MYO5A: variants seen among roughly 807,000 people sequenced by gnomAD.
The protein encoded by MYO5A is unconventional myosin-Va.
A neutral mutation model predicts 249.7 loss-of-function variants in MYO5A; 98 were observed. That is an observed-to-expected ratio of 0.39 (90% confidence interval 0.33 to 0.46). The LOEUF is 0.46. MYO5A is among the 20% of genes least tolerant of loss of function. MYO5A has a pLI of 0.98. For synonymous variants in MYO5A, 778 were observed against 810.6 expected, an observed-to-expected ratio of 0.96 and a Z score of 0.68; for missense variants, 1,696 against 2,308.8, an observed-to-expected ratio of 0.73 and a Z score of 5.44.
At chr15:52,344,265 T>C (rs901717913) in intron 30 of MYO5A, among the ~76,000 whole-genome samples, 2 of 152,162 alleles carry the variant, frequency 1.3e-5, no homozygotes, top group African/African-American at 4.8e-5. Flanking sequence ...TACACACATC[T>C]CTCCTGTCTA....
chr15:52,527,939 A>G (rs2077755619), intron 1 of MYO5A, among the ~76,000 whole-genome samples: 1 of 152,238 alleles, frequency 6.6e-6, no homozygotes, highest in African/African-American at 2.4e-5. Flanking sequence ...TGCCATGATT[A>G]CATATATTCA....
At chr15:52,344,585 A>T (rs2039529047) in intron 30 of MYO5A, among the ~76,000 whole-genome samples, 1 of 152,216 alleles carries the variant, frequency 6.6e-6, no homozygotes, top group Non-Finnish European at 1.5e-5. Flanking sequence ...CCAAGTCACC[A>T]TAATCACTGG....
At chr15:52,475,122 G>A (rs1377936528) in intron 1 of MYO5A, among the ~76,000 whole-genome samples, 1 of 152,150 alleles carries the variant, frequency 6.6e-6, no homozygotes, top group Non-Finnish European at 1.5e-5. Flanking sequence ...TTGGGAGGGT[G>A]TATGTGTCCA....
At position 52,407,394 on chromosome 15, in the gene MYO5A, C is replaced by T. The variant is rs930212364; in HGVS notation, c.844G>A (p.Ala282Thr). ...TGTTTTGTGTAATTAAAGTTATCTG[C>T]ATTTCCTGTAATGAAGAAAAATAAA... ...PEFKMLRLGN[A>T]DNFNYTKQGG... Residue 282 changes from alanine to threonine, a missense_variant, in exon 8 of 42, where the codon GCA becomes ACA. By Grantham distance (58) the Ala-to-Thr change is moderately conservative. Coordinates refer to ENST00000399233, the MANE Select transcript of MYO5A (RefSeq NM_001382347.1). The T allele has an allele frequency of 8.7e-6, 14 of 1,611,676 alleles. No homozygotes were observed. The highest frequency in any genetic ancestry group is 1.2e-5 in the Non-Finnish European group (14 of 1,177,948).
intron 18 of MYO5A, among the ~76,000 whole-genome samples, chr15:52,377,580 T>TA (rs927996774): frequency 6.6e-6 from 1 of 151,114 alleles, no homozygotes; most frequent in African/African-American, 2.4e-5. Flanking sequence ...AATTCTTTTT[T>TA]TTTTTTTTTG....
chr15:52,365,491 C>T (rs141771353), intron 23 of MYO5A, among the ~76,000 whole-genome samples: 2 of 152,282 alleles, frequency 1.3e-5, no homozygotes, highest in Non-Finnish European at 2.9e-5. Context: ...ATCAGCCAAC[C>T]AGTCACATTT....
At chr15:52,408,772 T>C (rs1038500372) in intron 6 of MYO5A, among the ~76,000 whole-genome samples, 11 of 152,220 alleles carry the variant, frequency 7.2e-5, no homozygotes, top group Non-Finnish European at 1.6e-4. Context: ...CCTAATAGTT[T>C]ATCACTATAT....
rs1433987888 is a variant in MYO5A at position 52,346,401 on chromosome 15, C to T, written c.3919G>A (p.Glu1307Lys). ...AAACCAATGTATGCTTGTGCTATTTCACCTTTATCTTTCATTTTTTGTACA... is the reference window on the plus strand; with the variant it reads ...AAACCAATGTATGCTTGTGCTATTTTACCTTTATCTTTCATTTTTTGTACA... ...EDVQKMKDKG[E>K]IAQAYIGLKE... Residue 1307 changes from glutamate to lysine, a missense_variant, in exon 30 of 42, where the codon GAA (glutamate) becomes AAA (lysine). Physicochemically the swap from Glu to Lys is moderately conservative, Grantham distance 56 (BLOSUM62 1). Around this residue, in one of 5 missense-constraint regions of MYO5A, gnomAD observed 625 missense variants for 908.1 expected, o/e 0.69. Coordinates refer to ENST00000399233, the MANE Select transcript of MYO5A (RefSeq NM_001382347.1). The T allele has an allele frequency of 3.1e-6, 5 of 1,607,200 alleles. No individual in the cohort carries two copies. The highest frequency in any genetic ancestry group is 4.3e-6 in the Non-Finnish European group (5 of 1,174,236).
In MYO5A at chr15:52,330,208, G is replaced by A; in HGVS notation, c.4555+145C>T. The A allele has an allele frequency of 5.4e-6, 6 of 1,115,280 alleles. No individual in the cohort carries two copies. In the South Asian group the frequency reaches 7.7e-5, roughly 14 times the overall value. The allele number at this position is 1,115,280 out of a possible 1,614,324, so 69.1% of individuals were successfully genotyped here. A position where few individuals can be genotyped will look rare whatever the true frequency, so the allele number is the denominator to read the frequency against. ...GGACTGAAAGTGCTTGGTGTGGTCA[G>A]AACACTACTGCAGCACTAGAATACA... On this transcript the variant is annotated intron_variant, in intron 35 of 41. Coordinates refer to ENST00000399233, the MANE Select transcript of MYO5A (RefSeq NM_001382347.1).
Position 52,375,444 on chromosome 15 carries a change from G to C in MYO5A, c.2437C>G (p.Arg813Gly). Residue 813 changes from arginine (R) to glycine (G), a missense_variant, in exon 20 of 42, where the codon CGC (arginine) becomes GGC (glycine). By Grantham distance (125) the Arg-to-Gly change is moderately radical. This residue lies in a region of MYO5A where 412 missense variants were observed against 453.3 expected (regional missense o/e 0.91). Coordinates refer to ENST00000399233, the MANE Select transcript of MYO5A (RefSeq NM_001382347.1). ...ATGATGGTTGCTGCCTTGGTTCTGCGCAGAAACTTAGCATAGCTGGCCAAA... is the reference window on the plus strand; with the variant it reads ...ATGATGGTTGCTGCCTTGGTTCTGCCCAGAAACTTAGCATAGCTGGCCAAA... ...YQARCYAKFLRRTKAATIIQK... is the reference protein window; with the variant it reads ...YQARCYAKFLGRTKAATIIQK... The C allele has an allele frequency of 6.2e-7, 1 of 1,614,036 alleles. No individual in the cohort carries two copies. The highest frequency in any genetic ancestry group is 8.5e-7 in the Non-Finnish European group (1 of 1,179,972).
intron 32 of MYO5A, 37 bp downstream of exon 32, chr15:52,340,159 A>T (rs780153861): frequency 6.2e-6 from 10 of 1,608,084 alleles, no homozygotes; most frequent in Non-Finnish European, 8.5e-6. Flanking sequence ...CGGGCAGGCT[A>T]GGTTAAGAAG....
intron 1 of MYO5A, among the ~76,000 whole-genome samples, chr15:52,470,761 A>C (rs757070297): frequency 6.6e-6 from 1 of 151,868 alleles, no homozygotes; most frequent in Non-Finnish European, 1.5e-5. Flanking sequence ...AGTGGCTCAC[A>C]TCGGTAATCC....
chr15:52,467,282 T>C (rs1292766570), intron 1 of MYO5A, among the ~76,000 whole-genome samples: 4 of 151,760 alleles, frequency 2.6e-5, no homozygotes, highest in Non-Finnish European at 5.9e-5. Flanking sequence ...ATAAAGAAAA[T>C]CAGAAAATCA....
At chr15:52,367,172 G>T in intron 22 of MYO5A, 48 bp from the exon 23 acceptor site, 1 of 1,487,578 alleles carries the variant, frequency 6.7e-7, no homozygotes, top group Non-Finnish European at 9.3e-7. Context: ...GACAGAGGAA[G>T]CCTGATGACC....
intron 12 of MYO5A, among the ~76,000 whole-genome samples, chr15:52,390,277 A>G (rs2042161870): frequency 6.6e-6 from 1 of 152,194 alleles, no homozygotes; most frequent in Non-Finnish European, 1.5e-5. Flanking sequence ...GATTGTTTGT[A>G]ACACAAAAGA....
intron 1 of MYO5A, among the ~76,000 whole-genome samples, chr15:52,459,146 AATTTTTTTTTTTTTTT>A (rs2076181388): frequency 4.1e-5 from 2 of 49,058 alleles, no homozygotes; most frequent in South Asian, 1.6e-3. Flanking sequence ...ATTTTCCAGA[AATTTTTTTTTTTTTTT>A]TTTTTTTTTT....
intron 11 of MYO5A, among the ~76,000 whole-genome samples, chr15:52,392,795 C>A (rs905797008): frequency 1.3e-5 from 2 of 152,232 alleles, no homozygotes; most frequent in African/African-American, 2.4e-5. Context: ...GTGGATGTTG[C>A]CCTCATGGAG....
chr15:52,500,399 TGCAATA>T (rs1394522816), intron 1 of MYO5A, among the ~76,000 whole-genome samples: 1 of 147,016 alleles, frequency 6.8e-6, no homozygotes, highest in African/African-American at 2.5e-5. Context: ...CGAGCTGGAG[TGCAATA>T]GCACGATCTC....
intron 1 of MYO5A, among the ~76,000 whole-genome samples, chr15:52,459,696 C>A (rs944695689): frequency 4.6e-5 from 7 of 152,246 alleles, no homozygotes; most frequent in African/African-American, 1.7e-4. Context: ...ACCTCCCAGA[C>A]GGGGTGGCTG....
Sources: allele counts gnomAD v4.1 joint callset (sites outside exome capture counted in the v4.1 genomes callset), GRCh38; gene constraint gnomAD v4.1.1; regional missense constraint gnomAD v4.1.1; transcripts MANE v1.5; gene names NCBI Gene and HGNC (gene_info 2026-07-23, HGNC 2026-07-21).